ACE: variants seen among roughly 807,000 people sequenced by gnomAD.
ACE encodes angiotensin-converting enzyme.
In ACE, 122 loss-of-function variants were observed where a neutral mutation model predicts 162.3. The ratio of observed to expected loss-of-function variants is 0.75; its 90% CI spans 0.65 to 0.87. The LOEUF is 0.87. ACE is among the 40% of genes least tolerant of loss of function. The probability of loss-of-function intolerance (pLI) is 0.00; values close to 1 mark genes in which losing one functional copy is unlikely to be tolerated. For synonymous variants in ACE, 796 were observed against 720.6 expected (o/e 1.10, Z -1.68); for missense variants, 1,799 against 1,735.1 (o/e 1.04, Z -0.65).
intron 4 of ACE, 145 bp downstream of exon 4, chr17:63,480,057 G>A (rs111349805): frequency 7.6e-6 from 10 of 1,321,418 alleles, no homozygotes; most frequent in Middle Eastern, 2.5e-4. Context: ...AGGTGGGACC[G>A]GCCTGCACCC....
At chr17:63,493,793 C>T in intron 20 of ACE, 129 bp from the exon 21 acceptor site, 1 of 1,519,032 alleles carries the variant, frequency 6.6e-7, no homozygotes, top group South Asian at 1.2e-5. Flanking sequence ...GGGAGCCACC[C>T]AGACCATCCC....
At chr17:63,483,003 T>G (rs752437726) in intron 8 of ACE, 26 bp from the exon 9 acceptor site, 1 of 1,612,546 alleles carries the variant, frequency 6.2e-7, no homozygotes, top group South Asian at 1.1e-5. Flanking sequence ...ACCTCTTCCC[T>G]CTCCTTTCAT....
At position 63,478,005 on chromosome 17, in the gene ACE, C is replaced by G; in HGVS notation, c.324C>G (p.Ile108Met). The G allele has an allele frequency of 4.3e-6, 7 of 1,611,836 alleles. No homozygotes were observed. Among genetic ancestry groups the G allele is most frequent in the East Asian group, 2.2e-5 (1 of 44,828 alleles). The change falls in exon 2 of 25, where the codon ATC becomes ATG. Residue 108 changes from isoleucine to methionine, a missense_variant. Transcript: ENST00000290866. The part of the protein sequence containing the change: ...GQKAKELYEP[I>M]WQNFTDPQLR... ...AGGCCAAGGAGCTGTATGAACCGAT[C>G]TGGCAGAACTTCACGGACCCGCAGC...
At position 63,491,399 on chromosome 17, in the gene ACE, T is replaced by G; in HGVS notation, c.2912+18T>G. On this transcript the variant is annotated intron_variant, in intron 19 of 24. Coordinates refer to ENST00000290866, the MANE Select transcript of ACE (RefSeq NM_000789.4). The surrounding 1 kb of genome is among the most constrained non-coding windows in gnomAD (Gnocchi z 4.4). The stretch of plus-strand genomic sequence containing the variant: ...GACTTCCGGTACATCCAGCTAGGGC[T>G]CAGGTCTCGTTCCTGAGCCCCACGG... The G allele has an allele frequency of 6.2e-7, 1 of 1,613,902 alleles. No individual in the cohort carries two copies. The highest frequency in any genetic ancestry group is 1.6e-4 in the Middle Eastern group (1 of 6,062).
At chr17:63,481,062 C>T (rs1246470385) in intron 5 of ACE, 29 bp from the exon 6 acceptor site, 3 of 1,607,710 alleles carry the variant, frequency 1.9e-6, no homozygotes, top group South Asian at 1.1e-5. Flanking sequence ...AGGCAGGGAG[C>T]CAAGCTGTCC....
In ACE at chr17:63,477,939, AG is replaced by A; in HGVS notation, c.259del (p.Ala87ProfsTer58). 2 of 1,610,566 alleles carry A rather than the reference AG, an allele frequency of 1.2e-6. No individual in the cohort carries two copies. The highest frequency in any genetic ancestry group is 1.7e-6 in the Non-Finnish European group (2 of 1,178,726). On this transcript the variant is annotated frameshift_variant, in exon 2 of 25. Coordinates refer to ENST00000290866, the MANE Select transcript of ACE (RefSeq NM_000789.4). LOFTEE classifies it high-confidence loss of function. ...CTCCTGGTGCCCAATAGGAGGAAGC[AG>A]CCCTGCTCAGCCAGGAGTTTGCGGA... ...AENARRQEEA[A>X]LLSQEFAEAW...
At chr17:63,483,603 TC>T in intron 10 of ACE, 45 bp downstream of exon 10, 1 of 1,095,734 alleles carries the variant, frequency 9.1e-7, no homozygotes, top group Admixed American at 2.5e-5. Context: ...TGTCACACCC[TC>T]AATCCACTTC....
At chr17:63,496,675 A>ACCTGGAGC in intron 23 of ACE, 123 bp from the exon 24 acceptor site, 1 of 1,572,342 alleles carries the variant, frequency 6.4e-7, no homozygotes, top group East Asian at 2.3e-5. Flanking sequence ...CTCCTTAGGC[A>ACCTGGAGC]CCTGGAGCCC....
rs145446793 is a variant in ACE at position 63,485,437 on chromosome 17, C to T, written c.2058+65C>T. The T allele has an allele frequency of 1.0e-3, 1,605 of 1,595,758 alleles. 18 individuals carry two copies. In the East Asian group the frequency reaches 0.023, roughly 23 times the overall value. ...ATACACACAGAGATGCTGTCCCGCTCACCACACAGTGGGGCTGCCACCACA... is the reference window on the plus strand; with the variant it reads ...ATACACACAGAGATGCTGTCCCGCTTACCACACAGTGGGGCTGCCACCACA... On this transcript the variant is annotated intron_variant, in intron 13 of 24. Coordinates refer to ENST00000290866, the MANE Select transcript of ACE (RefSeq NM_000789.4).
At chr17:63,480,044 T>G (rs1008134442) in intron 4 of ACE, 132 bp downstream of exon 4, 9 of 1,405,404 alleles carry the variant, frequency 6.4e-6, no homozygotes, top group Non-Finnish European at 8.7e-6. Context: ...TCCCAGAAAG[T>G]GGAGGTGGGA....
In ACE at chr17:63,491,470, T is replaced by G; in HGVS notation, c.2912+89T>G. 6.4e-7 allele frequency: 1 copy of G among 1,559,046 alleles called. No individual in the cohort carries two copies. The highest frequency in any genetic ancestry group is 8.8e-7 in the Non-Finnish European group (1 of 1,137,328). On this transcript the variant is annotated intron_variant, in intron 19 of 24. Transcript: ENST00000290866. The surrounding 1 kb of genome is among the most constrained non-coding windows in gnomAD (Gnocchi z 4.4). ...AAAGGGTCCACTACTGTCCCCCAGC[T>G]GGAGCCAGCAGGGCAGGATGGGGAC...
chr17:63,497,121 C>G lies in ACE; in HGVS notation c.3692-16C>G, dbSNP rs775259926. ...TGCCCTGCCCTGCCCATGCTGTCTC[C>G]TTGCTTCCCGCTCAGCTCGCTCAGA... On this transcript the variant is annotated splice_polypyrimidine_tract_variant and intron_variant, in intron 24 of 24. Coordinates refer to ENST00000290866, the MANE Select transcript of ACE (RefSeq NM_000789.4). 1 of 1,601,278 alleles carries G rather than the reference C, an allele frequency of 6.2e-7. No homozygotes were observed. Among genetic ancestry groups the G allele is most frequent in the South Asian group, 1.1e-5 (1 of 90,036 alleles).
At chr17:63,478,679 GA>G (rs991067087) in intron 2 of ACE, 4 of 416,682 alleles carry the variant, frequency 9.6e-6, no homozygotes, top group Non-Finnish European at 1.8e-5. Context: ...AAGAGAGAGA[GA>G]AAAGGTTGAG....
In ACE at chr17:63,491,593, T is replaced by C. The variant is rs574824244; in HGVS notation, c.2912+212T>C. 4.6e-5 allele frequency among the ~76,000 whole-genome samples: 7 copies of C among 152,306 alleles called. No homozygotes were observed. Among genetic ancestry groups the C allele is most frequent in the Non-Finnish European group, 8.8e-5 (6 of 68,022 alleles). The stretch of plus-strand genomic sequence containing the variant: ...GGACTTCTGAAGCACGCAACAGCTC[T>C]GTCAGCCTGGCCGCTGGGAAGTGCT... On this transcript the variant is annotated intron_variant, in intron 19 of 24. Coordinates refer to ENST00000290866, the MANE Select transcript of ACE (RefSeq NM_000789.4). This position sits in a 1 kb window ranked among gnomAD's most constrained non-coding sequence, Gnocchi z 4.4.
At position 63,481,550 on chromosome 17, in the gene ACE, C is replaced by G. The variant is rs376243224; in HGVS notation, c.946-16C>G. On this transcript the variant is annotated splice_polypyrimidine_tract_variant and intron_variant, in intron 6 of 24. Transcript: ENST00000290866. ...GAGTGGGCTCCCCCTGACCTGGCTC[C>G]ACACCCCTCCTCCAGGGCTGGAACG... 5.3e-5 allele frequency: 86 copies of G among 1,613,304 alleles called. No individual in the cohort carries two copies. Among genetic ancestry groups the G allele is most frequent in the Non-Finnish European group, 7.1e-5 (84 of 1,179,988 alleles).
chr17:63,483,353 C>G (rs2049745319), intron 9 of ACE, 107 bp from the exon 10 acceptor site: 3 of 1,458,892 alleles, frequency 2.1e-6, no homozygotes, highest in Non-Finnish European at 2.9e-6. Context: ...TTCCCCAGTT[C>G]CTCAGGATGG....
chr17:63,488,453 C>G, intron 15 of ACE, 195 bp from the exon 16 acceptor site: 1 of 470,916 alleles, frequency 2.1e-6, no homozygotes, highest in Non-Finnish European at 3.7e-6. Flanking sequence ...AGCATGTGGC[C>G]CCAGGCCGGG....
intron 12 of ACE, 120 bp from the exon 13 acceptor site, chr17:63,485,116 G>T (rs772640683): frequency 1.3e-6 from 2 of 1,551,768 alleles, no homozygotes; most frequent in South Asian, 2.3e-5. Context: ...GAGAGGCGGG[G>T]CCGGGTAGGG....
At position 63,484,634 on chromosome 17, in the gene ACE, C is replaced by T; in HGVS notation, c.1921+93C>T. On this transcript the variant is annotated intron_variant, in intron 12 of 24. Coordinates refer to ENST00000290866, the MANE Select transcript of ACE (RefSeq NM_000789.4). The surrounding 1 kb of genome is among the most constrained non-coding windows in gnomAD (Gnocchi z 4.0). ...CAGGTTCCTGGTCAGCTCCTACCAG[C>T]TGAGCCCTGGTACCCTGTCCTGGAG... 1 of 1,483,524 alleles carries T rather than the reference C, an allele frequency of 6.7e-7. No homozygotes were observed. Among genetic ancestry groups the T allele is most frequent in the Non-Finnish European group, 9.0e-7 (1 of 1,109,004 alleles). The allele number at this position is 1,483,524 out of a possible 1,614,324, so 91.9% of individuals were successfully genotyped here.
Sources: allele counts gnomAD v4.1 joint callset (sites outside exome capture counted in the v4.1 genomes callset), GRCh38; gene constraint gnomAD v4.1.1; non-coding constraint Gnocchi (gnomAD v3.1); transcripts MANE v1.5; gene names NCBI Gene and HGNC (gene_info 2026-07-23, HGNC 2026-07-21).